The following MTSS2 variants were observed in gnomAD, a reference collection of about 807,000 sequenced individuals.
The protein encoded by MTSS2 is protein MTSS 2.
MTSS2 carries 27 observed loss-of-function variants against 67.1 expected under a neutral mutation model. That is an observed-to-expected ratio of 0.40 (90% CI 0.30 to 0.55). MTSS2 has a LOEUF of 0.55. Ranked by LOEUF, MTSS2 falls within the 20% of genes least tolerant of loss-of-function variation. The pLI is 0.43. For missense variants in MTSS2, 1,171 were observed against 1,067.8 expected (o/e 1.10, Z -1.35); for synonymous variants, 624 against 468.6 (o/e 1.33, Z -4.28).
In MTSS2 at chr16:70,663,901, G is replaced by T; in HGVS notation, c.2020C>A (p.Leu674Met). ...QQQLAANRHS[L>M]VEKLGELVAG... ...ACCAGCTCCCCCAGCTTCTCCACCA[G>T]GCTGTGCCGGTTGGCCGCCAGCTGC... Residue 674 changes from leucine (L) to methionine (M), a missense_variant, in exon 15 of 15, where the codon CTG becomes ATG. By Grantham distance (15) the Leu-to-Met change is conservative. Transcript: ENST00000338779. 6.5e-7 allele frequency: 1 copy of T among 1,548,674 alleles called. No individual in the cohort carries two copies.
rs752679748 is a variant in MTSS2 at position 70,664,054 on chromosome 16, C to A, written c.1867G>T (p.Ala623Ser). ...EECVFYTDET[A>S]SPLAPDLAKA... ...GCGAGGTCCGGTGCCAGGGGTGAGGCGGTCTCGTCGGTATAGAAGACGCAC... is the reference window on the plus strand; with the variant it reads ...GCGAGGTCCGGTGCCAGGGGTGAGGAGGTCTCGTCGGTATAGAAGACGCAC... Residue 623 changes from alanine (A) to serine (S), a missense_variant, in exon 15 of 15, where the codon GCC becomes TCC. By Grantham distance (99) the Ala-to-Ser change is moderately conservative (BLOSUM62 1). This residue lies in a region of MTSS2 where 924 missense variants were observed against 756.0 expected (regional missense o/e 1.22). Transcript: ENST00000338779. 1 of 1,610,438 alleles carries A rather than the reference C, an allele frequency of 6.2e-7. No homozygotes were observed. Among genetic ancestry groups the A allele is most frequent in the Admixed American group, 1.7e-5 (1 of 59,770 alleles).
At position 70,664,133 on chromosome 16, in the gene MTSS2, G is replaced by A. The variant is rs757414387; in HGVS notation, c.1788C>T (p.Pro596=). Residue 596 remains proline (P), a synonymous_variant, in exon 15 of 15, where the codon CCC becomes CCT. Transcript: ENST00000338779. ...TGTAGCCGGGGGAGTCAGGCACCGTGGGCGTCTTCACAGGGACGATGGGCG... is the reference window on the plus strand; with the variant it reads ...TGTAGCCGGGGGAGTCAGGCACCGTAGGCGTCTTCACAGGGACGATGGGCG... ...IRPPIVPVKT[P]TVPDSPGYMG... 1.9e-6 allele frequency: 3 copies of A among 1,610,352 alleles called. No homozygotes were observed. Among genetic ancestry groups the A allele is most frequent in the East Asian group, 2.2e-5 (1 of 44,854 alleles).
chr16:70,677,238 A>G lies in MTSS2; in HGVS notation c.733-260T>C, dbSNP rs1362067663. Among the ~76,000 whole-genome samples the G allele has an allele frequency of 3.3e-5, 5 of 152,194 alleles. 1 individual carries two copies. In the South Asian group the frequency reaches 1.0e-3, roughly 32 times the overall value. On this transcript the variant is annotated intron_variant, in intron 9 of 14. Transcript: ENST00000338779. ...GCTGGGCGAGAGTGACCCTGACACC[A>G]TGGGGTGCAGGTTGCTCCTGCGCCT...
intron 11 of MTSS2, among the ~76,000 whole-genome samples, chr16:70,666,104 C>T (rs1597800274): frequency 6.6e-6 from 1 of 152,106 alleles, no homozygotes; most frequent in Non-Finnish European, 1.5e-5. Flanking sequence ...TGCAGTTAGA[C>T]AAGATTCAAG....
At chr16:70,670,473 A>C (rs913786834) in intron 11 of MTSS2, among the ~76,000 whole-genome samples, 2 of 152,208 alleles carry the variant, frequency 1.3e-5, no homozygotes, top group Non-Finnish European at 2.9e-5. Flanking sequence ...ACTATTAGCA[A>C]CATCATAGCC....
At chr16:70,677,002 T>C in intron 9 of MTSS2, 24 bp from the exon 10 acceptor site, 1 of 1,590,836 alleles carries the variant, frequency 6.3e-7, no homozygotes, top group Non-Finnish European at 8.6e-7. Flanking sequence ...TGGATGGGGG[T>C]CACTGGAGGC....
At chr16:70,677,920 A>T (rs1277617650) in intron 8 of MTSS2, 21 bp from the exon 9 acceptor site, 2 of 1,547,604 alleles carry the variant, frequency 1.3e-6, no homozygotes, top group South Asian at 2.4e-5. Context: ...AGCGAGTCAG[A>T]CCTGCTGGCC....
chr16:70,684,471 GGGCTGTTGTCCT>G (rs2053394981), intron 1 of MTSS2, among the ~76,000 whole-genome samples: 1 of 152,156 alleles, frequency 6.6e-6, no homozygotes, highest in Non-Finnish European at 1.5e-5. Context: ...GCTGTCCCTG[GGGCTGTTGTCCT>G]GGCAGCACCG....
rs1358483112 is a variant in MTSS2 at position 70,685,732 on chromosome 16, G to C, written c.60C>G (p.Asn20Lys). ...GCCGCGCCCCGGTTACCTTCATGTC[G>C]TTGACTATGGCCTGGAAGAGCCCGC... ...ALGGLFQAIV[N>K]DMKSSYPIWE... The change falls in exon 1 of 15, where the codon AAC (asparagine) becomes AAG (lysine). Residue 20 changes from asparagine to lysine, a missense_variant. Transcript: ENST00000338779. The C allele has an allele frequency of 7.3e-7, 1 of 1,376,464 alleles. No individual in the cohort carries two copies. Among genetic ancestry groups the C allele is most frequent in the East Asian group, 3.9e-5 (1 of 25,672 alleles). 85.3% of individuals were successfully genotyped at this position (1,376,464 alleles called of 1,614,324 possible).
At chr16:70,665,637 A>T in intron 11 of MTSS2, 97 bp from the exon 12 acceptor site, 1 of 1,064,872 alleles carries the variant, frequency 9.4e-7, no homozygotes, top group Non-Finnish European at 1.4e-6. Flanking sequence ...GCTGGCATGC[A>T]GGGGGGCGGT....
chr16:70,665,366 C>A, intron 12 of MTSS2, 100 bp downstream of exon 12: 2 of 1,299,616 alleles, frequency 1.5e-6, no homozygotes, highest in East Asian at 2.5e-5. Flanking sequence ...GCACCCCTGG[C>A]TGAACCCAGG....
In MTSS2 at chr16:70,674,497, C is replaced by T. The variant is rs780064481; in HGVS notation, c.862G>A (p.Gly288Ser). The T allele has an allele frequency of 3.7e-6, 6 of 1,613,698 alleles. No homozygotes were observed. Among genetic ancestry groups the T allele is most frequent in the East Asian group, 2.2e-5 (1 of 44,888 alleles). Residue 288 changes from glycine to serine, a missense_variant, in exon 11 of 15, where the codon GGC (glycine) becomes AGC (serine). By Grantham distance (56) the Gly-to-Ser change is moderately conservative. Around this residue, in one of 2 missense-constraint regions of MTSS2, gnomAD observed 924 missense variants for 756.0 expected, o/e 1.22. Coordinates refer to ENST00000338779, the MANE Select transcript of MTSS2 (RefSeq NM_138383.3). ...GCACCCCCAGGCCATGGGGCTCCGC[C>T]ACCCTTGGCACTGCTACTGCTGCTG... The part of the protein sequence containing the change: ...APSSSSSAKG[G>S]GAPWPGGAQT...
chr16:70,678,102 G>T, intron 8 of MTSS2, 150 bp downstream of exon 8: 1 of 1,112,454 alleles, frequency 9.0e-7, no homozygotes, highest in Non-Finnish European at 1.3e-6. Flanking sequence ...ATCAGTGCAT[G>T]GTGAGCTATG....
rs1203671588 is a variant in MTSS2 at position 70,664,955 on chromosome 16, G to A, written c.1270C>T (p.Arg424Ter). The change falls in exon 13 of 15, where the codon CGA becomes TGA. Residue 424 changes from arginine to a stop codon, truncating the protein, a stop_gained. Coordinates refer to ENST00000338779, the MANE Select transcript of MTSS2 (RefSeq NM_138383.3). LOFTEE classifies it high-confidence loss of function. ...ATGGTGGCAGGGGACATCCGGGGTC[G>A]CGGTGCCTCTTCCCCGCTGGGGCCC... ...TLGPSGEEAP[R>*]PRMSPATIAA... 9 of 1,568,374 alleles carry A rather than the reference G, an allele frequency of 5.7e-6. No individual in the cohort carries two copies. Among genetic ancestry groups the A allele is most frequent in the East Asian group, 2.3e-5 (1 of 43,584 alleles).
chr16:70,683,788 AGGCCCTGCTGCTCAGGCCACCGAGG>A (rs2053373647), intron 1 of MTSS2, among the ~76,000 whole-genome samples: 1 of 152,086 alleles, frequency 6.6e-6, no homozygotes, highest in Non-Finnish European at 1.5e-5. Flanking sequence ...TCCTCTACGG[AGGCCCTGCTGCTCAGGCCACCGAGG>A]GGAAAATCCA....
intron 4 of MTSS2, 25 bp downstream of exon 4, chr16:70,679,946 C>T: frequency 2.0e-6 from 3 of 1,485,058 alleles, no homozygotes; most frequent in Non-Finnish European, 2.7e-6. Context: ...CCCCGCCCCC[C>T]TGCCCGCCCG....
chr16:70,683,492 A>G (rs1347267092), intron 1 of MTSS2, among the ~76,000 whole-genome samples: 1 of 152,176 alleles, frequency 6.6e-6, no homozygotes, highest in African/African-American at 2.4e-5. Context: ...GGGTGGGTGA[A>G]GAGTATGACC....
chr16:70,684,471 G>C (rs946354227), intron 1 of MTSS2, among the ~76,000 whole-genome samples: 1 of 152,156 alleles, frequency 6.6e-6, no homozygotes, highest in African/African-American at 2.4e-5. Flanking sequence ...GCTGTCCCTG[G>C]GGCTGTTGTC....
rs780620174 is a variant in MTSS2 at position 70,678,291 on chromosome 16, G to A, written c.585C>T (p.Gly195=). 1 of 1,612,080 alleles carries A rather than the reference G, an allele frequency of 6.2e-7. No individual in the cohort carries two copies. Among genetic ancestry groups the A allele is most frequent in the Non-Finnish European group, 8.5e-7 (1 of 1,179,942 alleles). Residue 195 remains glycine, a synonymous_variant, in exon 8 of 15, where the codon GGC becomes GGT. Coordinates refer to ENST00000338779, the MANE Select transcript of MTSS2 (RefSeq NM_138383.3). ...GGAAGGTGATGAAGGTGCAGAAGCG[G>A]CCCCGCTCCTCGATCAGCGCCCGGC... is the stretch of plus-strand genomic sequence containing the variant. The part of the protein sequence containing the change: ...AVRRALIEER[G]RFCTFITFLQ...
Sources: allele counts gnomAD v4.1 joint callset (sites outside exome capture counted in the v4.1 genomes callset), GRCh38; gene constraint gnomAD v4.1.1; regional missense constraint gnomAD v4.1.1; transcripts MANE v1.5; gene names NCBI Gene and HGNC (gene_info 2026-07-23, HGNC 2026-07-21).